The following ARPC2 variants were observed in gnomAD, a reference collection of about 807,000 sequenced individuals.
ARPC2 encodes the protein actin-related protein 2/3 complex subunit 2.
In ARPC2, 4 loss-of-function variants were observed where a neutral mutation model predicts 38.6. That is an observed-to-expected ratio of 0.10 (90% CI 0.05 to 0.24). The LOEUF is 0.24. Among genes scored for constraint, ARPC2 ranks in the 10% least tolerant of loss-of-function variants. ARPC2 has a pLI of 1.00. For synonymous variants in ARPC2, 125 were observed against 140.8 expected, an observed-to-expected ratio of 0.89 and a Z score of 0.79; for missense variants, 229 against 387.3, an observed-to-expected ratio of 0.59 and a Z score of 3.43.
At chr2:218,223,151 G>T (rs148114798) in intron 2 of ARPC2, among the ~76,000 whole-genome samples, 1 of 152,144 alleles carries the variant, frequency 6.6e-6, no homozygotes, top group Admixed American at 6.5e-5. Flanking sequence ...AGTGAACCAT[G>T]GTCTGAAAAT....
intron 10 of ARPC2, among the ~76,000 whole-genome samples, chr2:218,250,339 A>G (rs1204358971): frequency 6.6e-6 from 1 of 152,164 alleles, no homozygotes; most frequent in Non-Finnish European, 1.5e-5. Flanking sequence ...GTTTGCATGC[A>G]GAGGAAGGTT....
intron 8 of ARPC2, among the ~76,000 whole-genome samples, chr2:218,247,193 T>A (rs1003755119): frequency 7.2e-5 from 11 of 152,170 alleles, no homozygotes; most frequent in Non-Finnish European, 1.5e-4. Context: ...ATTTGGCAAT[T>A]CTTGGTTTTT....
rs756625351 is a variant in ARPC2, at chr2:218,238,657, C to A, written c.269-7C>A. 5 of 1,468,856 alleles carry A rather than the reference C, an allele frequency of 3.4e-6. No homozygotes were observed. 91.0% of individuals were successfully genotyped at this position (1,468,856 alleles called of 1,614,324 possible). A position where few individuals can be genotyped will look rare whatever the true frequency, so the allele number is the denominator to read the frequency against. On this transcript the variant is annotated splice_region_variant and splice_polypyrimidine_tract_variant and intron_variant, in intron 5 of 10. Coordinates refer to ENST00000315717, the MANE Select transcript of ARPC2 (RefSeq NM_152862.3). ...TTTTTTGTTTCTTGTTTTTTCTTTC[C>A]CTCCAGGATACAATGTCTCTTTGCT...
chr2:218,222,541 G>C (rs536372614), intron 2 of ARPC2, among the ~76,000 whole-genome samples: 2 of 152,050 alleles, frequency 1.3e-5, no homozygotes, highest in East Asian at 3.9e-4. Context: ...TTACCCAGCC[G>C]GCTTGTTCTA....
At chr2:218,227,684 G>A (rs1046391595) in intron 3 of ARPC2, among the ~76,000 whole-genome samples, 11 of 151,906 alleles carry the variant, frequency 7.2e-5, no homozygotes, top group Non-Finnish European at 1.3e-4. Flanking sequence ...TCCACCCCCC[G>A]GGTTCAAGCG....
chr2:218,223,724 T>A (rs1035059011), intron 2 of ARPC2, among the ~76,000 whole-genome samples: 6 of 152,206 alleles, frequency 3.9e-5, no homozygotes, highest in African/African-American at 1.4e-4. Context: ...AAATTCTGAA[T>A]TCTAAATAAC....
chr2:218,239,581 A>G, intron 7 of ARPC2, 97 bp downstream of exon 7: 1 of 979,772 alleles, frequency 1.0e-6, no homozygotes, highest in Non-Finnish European at 1.5e-6. Flanking sequence ...TAGCAACTCT[A>G]CTGATGTTAG....
At chr2:218,217,965 A>G (rs925067942) in intron 2 of ARPC2, among the ~76,000 whole-genome samples, 2 of 152,216 alleles carry the variant, frequency 1.3e-5, no homozygotes, top group African/African-American at 4.8e-5. Context: ...AGGAATTCCC[A>G]GGACTGGAGG....
intron 5 of ARPC2, chr2:218,236,617 A>C (rs937992831): frequency 6.6e-6 from 1 of 151,970 alleles, no homozygotes. Context: ...ACATGGAGAA[A>C]CCCCGTCTCT....
intron 10 of ARPC2, among the ~76,000 whole-genome samples, chr2:218,251,811 A>ACC (rs1690198903): frequency 6.6e-6 from 1 of 151,852 alleles, no homozygotes; most frequent in Non-Finnish European, 1.5e-5. Flanking sequence ...AGGGCTTTAC[A>ACC]CTCTCTCTCT....
chr2:218,253,281 C>G (rs1192305525), intron 10 of ARPC2, among the ~76,000 whole-genome samples: 3 of 152,206 alleles, frequency 2.0e-5, no homozygotes, highest in Non-Finnish European at 4.4e-5. Flanking sequence ...GTTAGAGGCT[C>G]TGTCCTTGAG....
intron 2 of ARPC2, among the ~76,000 whole-genome samples, chr2:218,220,579 A>G (rs139126310): frequency 9.9e-5 from 15 of 152,106 alleles, no homozygotes; most frequent in African/African-American, 3.6e-4. Flanking sequence ...ACTTCAGAAT[A>G]TAGTTGCATT....
rs545341211 is a variant in ARPC2, at chr2:218,254,219, A to G, written c.*304A>G. 257 of 364,122 alleles carry G rather than the reference A, an allele frequency of 7.1e-4. 1 individual carries two copies. The highest frequency in any genetic ancestry group is 4.1e-3 in the African/African-American group (198 of 48,058). The allele number at this position is 364,122 out of a possible 1,614,324, so 22.6% of individuals were successfully genotyped here. On this transcript the variant is annotated 3_prime_UTR_variant, in exon 11 of 11. Coordinates refer to ENST00000315717, the MANE Select transcript of ARPC2 (RefSeq NM_152862.3). ...CTTTTCCAAGCTGTTTCGCTTTGCA[A>G]TATATTACTGGTAATGAGTTGCAGG...
At chr2:218,222,710 T>A (rs1263122471) in intron 2 of ARPC2, among the ~76,000 whole-genome samples, 2 of 152,180 alleles carry the variant, frequency 1.3e-5, no homozygotes, top group African/African-American at 2.4e-5. Context: ...AAGAACTAAT[T>A]TATTGATTAC....
At chr2:218,250,519 G>A (rs1690159839) in intron 10 of ARPC2, among the ~76,000 whole-genome samples, 1 of 152,086 alleles carries the variant, frequency 6.6e-6, no homozygotes, top group South Asian at 2.1e-4. Context: ...AAAAAAATTA[G>A]CCGGTCGTGG....
At chr2:218,233,517 A>G (rs1403190441) in intron 4 of ARPC2, 1 of 152,060 alleles carries the variant, frequency 6.6e-6, no homozygotes, top group East Asian at 1.9e-4. Context: ...TTTGGGGGGA[A>G]AGACATGGAG....
chr2:218,217,274 G>GGGTT lies in ARPC2; in HGVS notation c.-9+20_-9+21insGGTT. 5.1e-6 allele frequency: 3 copies of GGGTT among 582,844 alleles called. No individual in the cohort carries two copies. The highest frequency in any genetic ancestry group is 9.1e-6 in the Non-Finnish European group (3 of 328,788). The allele number at this position is 582,844 out of a possible 1,614,324, so 36.1% of individuals were successfully genotyped here. On this transcript the variant is annotated intron_variant, in intron 1 of 10. Transcript: ENST00000315717. ...GGCCAGGTCGGTTGGGTGGGTGGGT[G>GGGTT]TCTCCACAGTCTGCGTGCGTGGGCC...
intron 5 of ARPC2, chr2:218,234,677 A>G (rs1234433170): frequency 4.0e-6 from 2 of 498,304 alleles, no homozygotes; most frequent in Admixed American, 6.3e-5. Flanking sequence ...AGAGGGCCAC[A>G]TTTGTTTGTT....
chr2:218,230,802 G>A lies in ARPC2; in HGVS notation c.222+1952G>A, dbSNP rs190112305. Among the ~76,000 whole-genome samples, 108 of 152,142 alleles carry A rather than the reference G, an allele frequency of 7.1e-4. No homozygotes were observed. The Middle Eastern group carries it at 0.01, about 14-fold the overall frequency. ...GGGGTTCAAGTGGGGAGAGTTGCTG[G>A]AGCCCAGGAGTTCAAGTCCAGCCTG... On this transcript the variant is annotated intron_variant, in intron 4 of 10. Transcript: ENST00000315717.
Sources: allele counts gnomAD v4.1 joint callset (sites outside exome capture counted in the v4.1 genomes callset), GRCh38; gene constraint gnomAD v4.1.1; transcripts MANE v1.5; gene names NCBI Gene and HGNC (gene_info 2026-07-23, HGNC 2026-07-21).